BCL9: variants seen among roughly 807,000 people sequenced by gnomAD.
BCL9 encodes the protein BCL9 transcription coactivator.
BCL9 carries 25 observed loss-of-function variants against 88.5 expected under a neutral mutation model. That is an observed-to-expected ratio of 0.28 (90% CI 0.21 to 0.39). BCL9 has a LOEUF of 0.39. Among genes scored for constraint, BCL9 ranks in the 10% least tolerant of loss-of-function variants. The probability of loss-of-function intolerance (pLI) is 1.00; values close to 1 mark genes in which losing one functional copy is unlikely to be tolerated. For missense variants in BCL9, 1,817 were observed against 1,877.8 expected, an observed-to-expected ratio of 0.97 and a Z score of 0.60; for synonymous variants, 711 against 673.3, an observed-to-expected ratio of 1.06 and a Z score of -0.87.
intron 1 of BCL9, among the ~76,000 whole-genome samples, chr1:147,586,260 T>A (rs368954509): frequency 7.2e-5 from 11 of 152,128 alleles, no homozygotes; most frequent in African/African-American, 2.7e-4. Context: ...ATGTCTTACA[T>A]CTGTCCCTTC....
Position 147,620,311 on chromosome 1 carries a change from A to G in BCL9, c.2156A>G (p.Asp719Gly). 4 of 1,614,136 alleles carry G rather than the reference A, an allele frequency of 2.5e-6. No individual in the cohort carries two copies. Among genetic ancestry groups the G allele is most frequent in the Non-Finnish European group, 8.5e-7 (1 of 1,180,036 alleles). ...FGMVPSGMKG[D>G]VNLNVNMGSN... ...ATGGTTCCTAGTGGGATGAAGGGAG[A>G]TGTCAATCTAAATGTCAACATGGGA... Residue 719 changes from aspartate (D) to glycine (G), a missense_variant, in exon 8 of 10, where the codon GAT (aspartate) becomes GGT (glycine). Around this residue, in one of 2 missense-constraint regions of BCL9, gnomAD observed 1,228 missense variants for 1,191.6 expected, o/e 1.03. Transcript: ENST00000234739.
chr1:147,573,506 T>A (rs1037727829), intron 1 of BCL9, among the ~76,000 whole-genome samples: 24 of 152,248 alleles, frequency 1.6e-4, no homozygotes, highest in African/African-American at 5.8e-4. Context: ...TTTCTCTAGT[T>A]CCTTCAGTTA....
chr1:147,564,487 A>G (rs1242818574), intron 1 of BCL9, among the ~76,000 whole-genome samples: 1 of 152,152 alleles, frequency 6.6e-6, no homozygotes, highest in African/African-American at 2.4e-5. Context: ...GATTGGTTCA[A>G]ATTACAGCTT....
intron 1 of BCL9, among the ~76,000 whole-genome samples, chr1:147,604,244 C>A (rs193266283): frequency 2.0e-5 from 3 of 152,272 alleles, no homozygotes; most frequent in East Asian, 1.9e-4. Flanking sequence ...ATTTTCCCGT[C>A]CCCCAGGTCT....
intron 1 of BCL9, among the ~76,000 whole-genome samples, chr1:147,568,492 A>AG (rs1359925345): frequency 5.3e-5 from 8 of 151,454 alleles, no homozygotes; most frequent in Non-Finnish European, 2.9e-5. Flanking sequence ...GAAAAAAAAA[A>AG]CAAGTTTCTT....
chr1:147,571,474 C>T (rs1572826), intron 1 of BCL9, among the ~76,000 whole-genome samples: 10 of 152,012 alleles, frequency 6.6e-5, no homozygotes, highest in African/African-American at 2.2e-4. Context: ...TAGAGACCCT[C>T]CTCTTCATCA....
Position 147,622,417 on chromosome 1 carries a change from G to A in BCL9, c.3049G>A (p.Ala1017Thr), listed in dbSNP as rs2101624544. The A allele has an allele frequency of 6.2e-7, 1 of 1,614,106 alleles. No homozygotes were observed. Among genetic ancestry groups the A allele is most frequent in the Non-Finnish European group, 8.5e-7 (1 of 1,180,028 alleles). Residue 1017 changes from alanine to threonine, a missense_variant, in exon 9 of 10, where the codon GCA becomes ACA. Ala to Thr is a moderately conservative substitution (Grantham distance 58). This residue lies in a region of BCL9 where 589 missense variants were observed against 686.2 expected (regional missense o/e 0.86). Transcript: ENST00000234739. ...TATGATGTCTCGAATGTCCAAGTTTGCAATGCCCAGTTCCACCCCGTTATA... is the reference window on the plus strand; with the variant it reads ...TATGATGTCTCGAATGTCCAAGTTTACAATGCCCAGTTCCACCCCGTTATA... The part of the protein sequence containing the change: ...SIMMSRMSKF[A>T]MPSSTPLYHD...
chr1:147,554,077 G>A (rs1553195124), intron 1 of BCL9, among the ~76,000 whole-genome samples: 4 of 152,200 alleles, frequency 2.6e-5, no homozygotes, highest in African/African-American at 9.7e-5. Flanking sequence ...AAGAATGAAT[G>A]AGATATAATA....
chr1:147,617,542 T>A (rs2644555), intron 7 of BCL9, among the ~76,000 whole-genome samples: 102,963 of 151,572 alleles, frequency 0.68, 35,062 homozygotes, highest in East Asian at 0.72. Context: ...ACACAACTCT[T>A]TACCTATAGG....
chr1:147,551,404 T>C (rs1345513839), intron 1 of BCL9, among the ~76,000 whole-genome samples: 5 of 152,208 alleles, frequency 3.3e-5, no homozygotes, highest in African/African-American at 9.7e-5. Flanking sequence ...GCTGATTGAA[T>C]GAAGGATAGT....
In BCL9 at chr1:147,620,810, C is replaced by G. The variant is rs1415930675; in HGVS notation, c.2655C>G (p.Ser885=). The part of the protein sequence containing the change: ...MLGSPSGNLK[S]PQTPSQLAGM... ...GCTCGCCCTCGGGGAACCTCAAGTC[C>G]CCCCAGACTCCATCGCAGCTGGCAG... Residue 885 remains serine (S), a synonymous_variant, in exon 8 of 10, where the codon TCC becomes TCG. Coordinates refer to ENST00000234739, the MANE Select transcript of BCL9 (RefSeq NM_004326.4). The G allele has an allele frequency of 6.2e-7, 1 of 1,614,010 alleles. No homozygotes were observed. Among genetic ancestry groups the G allele is most frequent in the Admixed American group, 1.7e-5 (1 of 60,010 alleles).
intron 7 of BCL9, 47 bp from the exon 8 acceptor site, chr1:147,618,769 T>G: frequency 1.4e-6 from 2 of 1,461,498 alleles, no homozygotes; most frequent in Non-Finnish European, 1.8e-6. Context: ...TTAATTGCCC[T>G]TCTGTTCAGT....
chr1:147,619,892 C>G lies in BCL9; in HGVS notation c.1737C>G (p.Pro579=). 6.2e-7 allele frequency: 1 copy of G among 1,614,196 alleles called. No individual in the cohort carries two copies. Among genetic ancestry groups the G allele is most frequent in the Middle Eastern group, 1.6e-4 (1 of 6,062 alleles). Residue 579 remains proline (P), a synonymous_variant, in exon 8 of 10, where the codon CCC becomes CCG. Transcript: ENST00000234739. This position sits in a 1 kb window ranked among gnomAD's most constrained non-coding sequence, Gnocchi z 4.1. The stretch of plus-strand genomic sequence containing the variant: ...CTGAAATGGAAGGGCCGAATGTCCC[C>G]AACCCTGCATCTAGACCAGGTCTTT... The part of the protein sequence containing the change: ...INSEMEGPNV[P]NPASRPGLSG...
At chr1:147,598,015 C>T (rs1230459900) in intron 1 of BCL9, among the ~76,000 whole-genome samples, 3 of 152,268 alleles carry the variant, frequency 2.0e-5, no homozygotes, top group Middle Eastern at 3.4e-3. Flanking sequence ...GTCTGGGATT[C>T]CCCCCAGGCC....
chr1:147,592,533 A>T (rs1656888335), intron 1 of BCL9, among the ~76,000 whole-genome samples: 1 of 152,206 alleles, frequency 6.6e-6, no homozygotes, highest in Admixed American at 6.5e-5. Flanking sequence ...TTATTATGTT[A>T]TCCACCCCCA....
chr1:147,604,735 A>G (rs1657571634), intron 1 of BCL9, 42 bp from the exon 2 acceptor site: 2 of 152,226 alleles, frequency 1.3e-5, no homozygotes, highest in Admixed American at 6.5e-5. Flanking sequence ...TGGAATCAGC[A>G]TGAATTGGAG....
Position 147,624,803 on chromosome 1 carries a change from G to C in BCL9, c.4125G>C (p.Val1375=). The change falls in exon 10 of 10, where the codon GTG becomes GTC. Residue 1375 remains valine (V), a synonymous_variant. Transcript: ENST00000234739. This position sits in a 1 kb window ranked among gnomAD's most constrained non-coding sequence, Gnocchi z 4.4. ...GGCTCTACACCCACCCTGGGCCTGT[G>C]GGCTCTCCAGGCATGATGATGTCCA... The part of the protein sequence containing the change: ...PAGLYTHPGP[V]GSPGMMMSMQ... 1 of 1,614,102 alleles carries C rather than the reference G, an allele frequency of 6.2e-7. No homozygotes were observed. Among genetic ancestry groups the C allele is most frequent in the Non-Finnish European group, 8.5e-7 (1 of 1,180,012 alleles).
intron 1 of BCL9, among the ~76,000 whole-genome samples, chr1:147,572,449 T>C (rs1306187892): frequency 6.6e-6 from 1 of 152,206 alleles, no homozygotes; most frequent in Non-Finnish European, 1.5e-5. Flanking sequence ...TTGATAGACA[T>C]CACTTCCAGG....
intron 1 of BCL9, among the ~76,000 whole-genome samples, chr1:147,581,850 G>A (rs782119009): frequency 7.9e-5 from 12 of 152,090 alleles, no homozygotes; most frequent in South Asian, 2.1e-4. Flanking sequence ...CATTTTGAAA[G>A]CTTTTCTGCT....
Sources: gnomAD v4.1 joint callset for allele counts (sites outside exome capture counted in the v4.1 genomes callset) on GRCh38, gnomAD v4.1.1 for gene constraint, gnomAD v4.1.1 regional missense constraint, Gnocchi (gnomAD v3.1) non-coding constraint, MANE v1.5 for transcripts, NCBI Gene and HGNC (gene_info 2026-07-23, HGNC 2026-07-21) for gene names.